PSME4: variants seen among roughly 807,000 people sequenced by gnomAD.
PSME4 encodes proteasome activator subunit 4.
In PSME4, 89 loss-of-function variants were observed where a neutral mutation model predicts 253.9. That is an observed-to-expected ratio of 0.35 (90% CI 0.30 to 0.42). The LOEUF (loss-of-function observed/expected upper bound fraction) is 0.42, where lower values mean the gene tolerates loss of function less well. Among genes scored for constraint, PSME4 ranks in the 10% least tolerant of loss-of-function variants. The pLI, the probability that PSME4 is intolerant of heterozygous loss-of-function variation, is 1.00. For missense variants in PSME4, 2,014 were observed against 2,195.2 expected, an observed-to-expected ratio of 0.92 and a Z score of 1.65; for synonymous variants, 851 against 759.2, an observed-to-expected ratio of 1.12 and a Z score of -1.99.
chr2:53,912,928 T>TAG (rs1667890472), intron 20 of PSME4, among the ~76,000 whole-genome samples: 2 of 152,232 alleles, frequency 1.3e-5, no homozygotes, highest in African/African-American at 4.8e-5. Context: ...ATGCACATAA[T>TAG]CTTAAGTGAA....
At chr2:53,896,191 C>G (rs1680128866) in intron 32 of PSME4, among the ~76,000 whole-genome samples, 2 of 152,056 alleles carry the variant, frequency 1.3e-5, no homozygotes, top group Non-Finnish European at 2.9e-5. Context: ...CTCAAATAAT[C>G]AAAATACAAT....
At position 53,865,073 on chromosome 2, in the gene PSME4, C is replaced by T. The variant is rs1361305570; in HGVS notation, c.*505G>A. 1 of 152,660 alleles carries T rather than the reference C, an allele frequency of 6.6e-6. No individual in the cohort carries two copies. Among genetic ancestry groups the T allele is most frequent in the Non-Finnish European group, 1.5e-5 (1 of 68,074 alleles). 9.5% of individuals were successfully genotyped at this position (152,660 alleles called of 1,614,324 possible). ...ATTGGTTAGGTTCAGGACTTGCCCTCTTTTCCTTCCCTCTTCATGGCTCTC... is the reference window on the plus strand; with the variant it reads ...ATTGGTTAGGTTCAGGACTTGCCCTTTTTTCCTTCCCTCTTCATGGCTCTC... On this transcript the variant is annotated 3_prime_UTR_variant, in exon 47 of 47. Coordinates refer to ENST00000404125, the MANE Select transcript of PSME4 (RefSeq NM_014614.3).
At chr2:53,944,593 T>C (rs1450421668) in intron 3 of PSME4, among the ~76,000 whole-genome samples, 2 of 152,372 alleles carry the variant, frequency 1.3e-5, no homozygotes, top group African/African-American at 4.8e-5. Context: ...TAAAATCTTT[T>C]AAATTTCAAC....
intron 24 of PSME4, among the ~76,000 whole-genome samples, chr2:53,907,378 C>T (rs1333594004): frequency 6.6e-6 from 1 of 152,138 alleles, no homozygotes; most frequent in Non-Finnish European, 1.5e-5. Flanking sequence ...CTTCTTCTTT[C>T]ACACCACAGT....
chr2:53,948,069 A>G (rs1669807773), intron 3 of PSME4, among the ~76,000 whole-genome samples: 1 of 152,226 alleles, frequency 6.6e-6, no homozygotes, highest in Non-Finnish European at 1.5e-5. Context: ...ATTTAAAGCT[A>G]GACCACAACT....
chr2:53,949,637 C>T (rs1218041956), intron 1 of PSME4, among the ~76,000 whole-genome samples: 5 of 151,936 alleles, frequency 3.3e-5, no homozygotes, highest in East Asian at 1.9e-4. Flanking sequence ...AAGTGAAATA[C>T]GCCAGTCACA....
Position 53,893,769 on chromosome 2 carries a change from C to G in PSME4, c.3943G>C (p.Asp1315His). Residue 1315 changes from aspartate (D) to histidine (H), a missense_variant, in exon 35 of 47, where the codon GAT (aspartate) becomes CAT (histidine). Asp to His is a moderately conservative substitution (Grantham distance 81, BLOSUM62 -1). Coordinates refer to ENST00000404125, the MANE Select transcript of PSME4 (RefSeq NM_014614.3). The part of the protein sequence containing the change: ...AEQIIFDHFS[D>H]PKFVEQLITF... Reference sequence around the variant, plus strand: ...ATTAACTGCTCAACAAATTTAGGATCAGAAAAATGATCAAATATAATCTGT... The same window carrying G: ...ATTAACTGCTCAACAAATTTAGGATGAGAAAAATGATCAAATATAATCTGT... 6.2e-7 allele frequency: 1 copy of G among 1,609,300 alleles called. No homozygotes were observed. Among genetic ancestry groups the G allele is most frequent in the Non-Finnish European group, 8.5e-7 (1 of 1,177,756 alleles).
intron 10 of PSME4, among the ~76,000 whole-genome samples, chr2:53,930,053 T>C (rs1054974675): frequency 6.6e-6 from 1 of 151,332 alleles, no homozygotes; most frequent in Non-Finnish European, 1.5e-5. Flanking sequence ...AATAAATAAA[T>C]AATAAATTTT....
At chr2:53,921,333 G>A (rs1467491776) in intron 17 of PSME4, among the ~76,000 whole-genome samples, 2 of 151,482 alleles carry the variant, frequency 1.3e-5, no homozygotes, top group African/African-American at 2.4e-5. Flanking sequence ...TTTCAAAAGA[G>A]TCTATTCTAT....
rs753627534 is a variant in PSME4 at position 53,927,418 on chromosome 2, T to C, written c.1569A>G (p.Leu523=). Residue 523 remains leucine, a synonymous_variant, in exon 12 of 47, where the codon CTA becomes CTG. Transcript: ENST00000404125. The stretch of plus-strand genomic sequence containing the variant: ...CTTCTGTGAGGTCATTTCTTTCTTG[T>C]AGTACAGATGAACAATCTACTAAAG... ...LVPLVDCSSV[L]QERNDLTEVE... The C allele has an allele frequency of 1.8e-5, 28 of 1,585,714 alleles. No individual in the cohort carries two copies. The highest frequency in any genetic ancestry group is 2.3e-5 in the Non-Finnish European group (26 of 1,154,144).
intron 13 of PSME4, 70 bp downstream of exon 13, chr2:53,925,889 T>C (rs1053207258): frequency 2.0e-6 from 3 of 1,484,464 alleles, no homozygotes; most frequent in Admixed American, 1.7e-5. Context: ...AGAAATAAAC[T>C]AAACTTTCTG....
chr2:53,934,613 C>A lies in PSME4; in HGVS notation c.949G>T (p.Ala317Ser), dbSNP rs773744053. The part of the protein sequence containing the change: ...DIGHAVIWIT[A>S]MMGGPSKLVQ... ...TATAATGTATTACAAACCATCATGG[C>A]GGTGATCCATATTACAGCATGTCCT... Residue 317 changes from alanine to serine, a missense_variant, in exon 8 of 47, where the codon GCC becomes TCC. By Grantham distance (99) the Ala-to-Ser change is moderately conservative (BLOSUM62 1). Coordinates refer to ENST00000404125, the MANE Select transcript of PSME4 (RefSeq NM_014614.3). 9 of 1,608,920 alleles carry A rather than the reference C, an allele frequency of 5.6e-6. No individual in the cohort carries two copies. Among genetic ancestry groups the A allele is most frequent in the Non-Finnish European group, 6.8e-6 (8 of 1,177,172 alleles).
intron 45 of PSME4, 137 bp downstream of exon 45, chr2:53,866,610 G>A: frequency 2.2e-6 from 2 of 922,754 alleles, no homozygotes; most frequent in Non-Finnish European, 1.6e-6. Context: ...AATAATTACT[G>A]GTGAGCAGAC....
chr2:53,948,700 T>A (rs1363285765), intron 2 of PSME4, among the ~76,000 whole-genome samples, 163 bp from the exon 3 acceptor site: 1 of 152,176 alleles, frequency 6.6e-6, no homozygotes. Context: ...TTAAGAAGAA[T>A]AATGCACCCA....
intron 43 of PSME4, among the ~76,000 whole-genome samples, chr2:53,873,067 C>T (rs1465026192): frequency 2.0e-5 from 3 of 151,246 alleles, no homozygotes; most frequent in Non-Finnish European, 4.4e-5. Context: ...GGTGAAACCC[C>T]GTCTCTACTA....
chr2:53,897,173 T>TTG (rs1441973613), intron 31 of PSME4, among the ~76,000 whole-genome samples: 9 of 150,934 alleles, frequency 6.0e-5, no homozygotes, highest in African/African-American at 2.2e-4. Flanking sequence ...CAGGGTTTTT[T>TTG]TTTTTTTTTT....
At chr2:53,875,802 T>G in intron 41 of PSME4, 47 bp from the exon 42 acceptor site, 2 of 1,572,424 alleles carry the variant, frequency 1.3e-6, no homozygotes, top group Non-Finnish European at 1.7e-6. Flanking sequence ...TAATTGCCAA[T>G]AAGTACAAAG....
intron 20 of PSME4, among the ~76,000 whole-genome samples, chr2:53,912,540 C>G (rs527590178): frequency 3.8e-4 from 58 of 152,278 alleles, no homozygotes; most frequent in Middle Eastern, 3.4e-3. Flanking sequence ...TCACTGCAGC[C>G]CCAACCTTCC....
In PSME4 at chr2:53,906,586, G is replaced by C; in HGVS notation, c.2943+12C>G. ...GGAGGGCATGAGAGTGCAGCGTTTG[G>C]ATAAGCCTTACCTGACTGTATGAAC... On this transcript the variant is annotated intron_variant, in intron 26 of 46. Coordinates refer to ENST00000404125, the MANE Select transcript of PSME4 (RefSeq NM_014614.3). The C allele has an allele frequency of 6.5e-7, 1 of 1,542,652 alleles. No individual in the cohort carries two copies. The highest frequency in any genetic ancestry group is 2.3e-5 in the East Asian group (1 of 44,178).
Sources: allele counts gnomAD v4.1 joint callset (sites outside exome capture counted in the v4.1 genomes callset), GRCh38; gene constraint gnomAD v4.1.1; transcripts MANE v1.5; gene names NCBI Gene and HGNC (gene_info 2026-07-23, HGNC 2026-07-21).